The following INPP5B variants were observed in gnomAD, a reference collection of about 807,000 sequenced individuals.
The protein encoded by INPP5B is inositol polyphosphate-5-phosphatase B, also known as type II inositol 1,4,5-trisphosphate 5-phosphatase.
INPP5B carries 90 observed loss-of-function variants against 118.5 expected under a neutral mutation model. The ratio of observed to expected loss-of-function variants is 0.76; its 90% CI spans 0.64 to 0.90. The LOEUF is 0.90. Ranked by LOEUF, INPP5B falls within the 40% of genes least tolerant of loss-of-function variation. The pLI is 0.00. For synonymous variants in INPP5B, 385 were observed against 418.9 expected (o/e 0.92, Z 0.99); for missense variants, 984 against 1,125.6 (o/e 0.87, Z 1.80).
chr1:37,917,308 T>TTTTATATATATATATA (rs1367504194), intron 7 of INPP5B, among the ~76,000 whole-genome samples: 3 of 92,804 alleles, frequency 3.2e-5, no homozygotes, highest in Non-Finnish European at 6.1e-5. Context: ...AAAAAAATAA[T>TTTTATATATATATATA]TATATATATA....
At chr1:37,888,480 T>C in intron 9 of INPP5B, 136 bp from the exon 10 acceptor site, 1 of 505,298 alleles carries the variant, frequency 2.0e-6, no homozygotes, top group South Asian at 3.4e-5. Context: ...ATTTCTAACC[T>C]AGACCAGGAC....
intron 7 of INPP5B, among the ~76,000 whole-genome samples, chr1:37,913,448 T>C (rs1003525530): frequency 6.6e-6 from 1 of 152,112 alleles, no homozygotes; most frequent in Admixed American, 6.5e-5. Context: ...GTCCTCCCAA[T>C]TCTTAGTCCT....
intron 19 of INPP5B, among the ~76,000 whole-genome samples, chr1:37,871,275 T>C (rs1000768663): frequency 1.6e-4 from 24 of 149,130 alleles, no homozygotes; most frequent in Non-Finnish European, 2.4e-4. Context: ...CTGGCCAACA[T>C]GGCAAAACCC....
intron 7 of INPP5B, among the ~76,000 whole-genome samples, chr1:37,921,531 G>T (rs931887882): frequency 6.6e-6 from 1 of 152,074 alleles, no homozygotes; most frequent in Non-Finnish European, 1.5e-5. Context: ...TTAAAAAGAA[G>T]TGCCATAGAT....
intron 2 of INPP5B, 41 bp downstream of exon 2, chr1:37,946,211 C>CCAGGGCAGGCT (rs1166838029): frequency 6.3e-7 from 1 of 1,583,718 alleles, no homozygotes. Flanking sequence ...CTTCCCAAGG[C>CCAGGGCAGGCT]CAGGGCAGGC....
chr1:37,862,478 T>A, intron 23 of INPP5B, 48 bp from the exon 24 acceptor site: 1 of 1,165,826 alleles, frequency 8.6e-7, no homozygotes, highest in Non-Finnish European at 1.3e-6. Context: ...AAGAAGGTAC[T>A]AAAGACACAC....
At chr1:37,868,470 A>T (rs1280492567) in intron 20 of INPP5B, 31 bp downstream of exon 20, 1 of 1,471,042 alleles carries the variant, frequency 6.8e-7, no homozygotes, top group Non-Finnish European at 9.5e-7. Flanking sequence ...GCCTGGCCTC[A>T]ATCAGGTCTG....
rs1268322541 is a variant in INPP5B, at chr1:37,909,428, GTTTCAT to G, written c.533-17980_533-17975del. Among the ~76,000 whole-genome samples the G allele has an allele frequency of 3.3e-5, 5 of 152,176 alleles. No individual in the cohort carries two copies. The East Asian group carries it at 9.7e-4, about 29-fold the overall frequency. Reference sequence around the variant, plus strand: ...CTCCTCACACCCGGTCTGGCTTACAGTTTCATTCCGTGACCAGCCCTCCCCCACCTG... The same window carrying G: ...CTCCTCACACCCGGTCTGGCTTACAGTCCGTGACCAGCCCTCCCCCACCTG... On this transcript the variant is annotated intron_variant, in intron 7 of 23. Transcript: ENST00000373024.
At chr1:37,922,650 C>G (rs1360617330) in intron 7 of INPP5B, among the ~76,000 whole-genome samples, 1 of 152,094 alleles carries the variant, frequency 6.6e-6, no homozygotes, top group Non-Finnish European at 1.5e-5. Flanking sequence ...GAGCCAAGAT[C>G]GCACCACTGC....
At chr1:37,871,155 C>CAAA (rs34490677) in intron 19 of INPP5B, among the ~76,000 whole-genome samples, 4 of 48,882 alleles carry the variant, frequency 8.2e-5, no homozygotes, top group Admixed American at 2.7e-4. Context: ...AAGACTGTCT[C>CAAA]AAAAAAAAAA....
intron 16 of INPP5B, among the ~76,000 whole-genome samples, chr1:37,877,162 C>T (rs762253070): frequency 4.6e-5 from 7 of 151,442 alleles, no homozygotes; most frequent in African/African-American, 1.7e-4. Context: ...GGCAGGAGAT[C>T]GAACCCCATC....
At chr1:37,943,925 G>A (rs2148701860) in intron 3 of INPP5B, 32 bp from the exon 4 acceptor site, 1 of 1,512,518 alleles carries the variant, frequency 6.6e-7, no homozygotes, top group Middle Eastern at 1.7e-4. Context: ...GAGGATGGGG[G>A]CCCGCTGGCT....
In INPP5B at chr1:37,931,533, A is replaced by T. The variant is rs764627162; in HGVS notation, c.532+380T>A. Reference sequence around the variant, plus strand: ...CACAGAACTTCTGCCCCAGTGTCCCAGCCTCCAGAGGGCCACCAGGACTTT... The same window carrying T: ...CACAGAACTTCTGCCCCAGTGTCCCTGCCTCCAGAGGGCCACCAGGACTTT... On this transcript the variant is annotated intron_variant, in intron 7 of 23. Coordinates refer to ENST00000373024, the MANE Select transcript of INPP5B (RefSeq NM_005540.3). 116 of 1,536,026 alleles carry T rather than the reference A, an allele frequency of 7.6e-5. No individual in the cohort carries two copies. The East Asian group carries it at 2.4e-3, about 32-fold the overall frequency.
At position 37,887,011 on chromosome 1, in the gene INPP5B, A is replaced by G. The variant is rs1010788943; in HGVS notation, c.1015-7T>C. The G allele has an allele frequency of 1.4e-5, 23 of 1,609,794 alleles. No homozygotes were observed. Among genetic ancestry groups the G allele is most frequent in the Non-Finnish European group, 1.8e-5 (21 of 1,176,420 alleles). On this transcript the variant is annotated splice_polypyrimidine_tract_variant and splice_region_variant and intron_variant, in intron 11 of 23. Coordinates refer to ENST00000373024, the MANE Select transcript of INPP5B (RefSeq NM_005540.3). ...CCAGTCGGATAAGCTTCACCTGGAA[A>G]AGAGAGACATGGCATTAAATAGAAA...
intron 3 of INPP5B, 78 bp from the exon 4 acceptor site, chr1:37,943,971 C>G (rs1387053124): frequency 9.9e-7 from 1 of 1,014,440 alleles, no homozygotes; most frequent in Admixed American, 1.7e-5. Flanking sequence ...TCGGGGTGCT[C>G]ACACTCGCTC....
rs1557692149 is a variant in INPP5B at position 37,916,101 on chromosome 1, T to C, written c.532+15812A>G. Among the ~76,000 whole-genome samples, 4 of 145,868 alleles carry C rather than the reference T, an allele frequency of 2.7e-5. No individual in the cohort carries two copies. In the South Asian group the frequency reaches 8.7e-4, roughly 32 times the overall value. On this transcript the variant is annotated intron_variant, in intron 7 of 23. Transcript: ENST00000373024. ...TTGGTGTCTGGGTTTTTCTTTTTCC[T>C]TTTTTTTTTTGAGATGGAGTCTCGC...
chr1:37,882,830 G>C lies in INPP5B; in HGVS notation c.1408C>G (p.Gln470Glu), dbSNP rs757208244. The C allele has an allele frequency of 2.5e-6, 4 of 1,614,102 alleles. No individual in the cohort carries two copies. In the Admixed American group the frequency reaches 6.7e-5, roughly 27 times the overall value. The change falls in exon 14 of 24, where the codon CAA becomes GAA. Residue 470 changes from glutamine to glutamate, a missense_variant. Coordinates refer to ENST00000373024, the MANE Select transcript of INPP5B (RefSeq NM_005540.3). ...VKKLIEEKDF[Q>E]MLYAYDQLKI... ...ACCTGATCATATGCATACAGCATTT[G>C]AAAGTCCTTCTCTTCGATGAGCTTT...
intron 7 of INPP5B, among the ~76,000 whole-genome samples, chr1:37,898,979 C>T (rs116493764): frequency 0.026 from 3,898 of 151,690 alleles, 71 homozygotes; most frequent in Non-Finnish European, 0.038. Flanking sequence ...GTCGGGAGGT[C>T]GAGACTAACC....
At chr1:37,904,794 T>C (rs1644451009) in intron 7 of INPP5B, among the ~76,000 whole-genome samples, 1 of 150,616 alleles carries the variant, frequency 6.6e-6, no homozygotes, top group South Asian at 2.1e-4. Context: ...GGAGAATAGC[T>C]CGAACCCAGG....
Sources: allele counts gnomAD v4.1 joint callset (sites outside exome capture counted in the v4.1 genomes callset), GRCh38; gene constraint gnomAD v4.1.1; transcripts MANE v1.5; gene names NCBI Gene and HGNC (gene_info 2026-07-23, HGNC 2026-07-21).